The following ADAMTSL1 variants were observed in gnomAD, a reference collection of about 807,000 sequenced individuals.
The protein encoded by ADAMTSL1 is ADAMTS like 1.
A neutral mutation model predicts 201.8 loss-of-function variants in ADAMTSL1; 126 were observed. The ratio of observed to expected loss-of-function variants is 0.62; its 90% confidence interval spans 0.54 to 0.72. The LOEUF is 0.72. Ranked by LOEUF, ADAMTSL1 falls within the 30% of genes least tolerant of loss-of-function variation. The pLI, the probability that ADAMTSL1 is intolerant of heterozygous loss-of-function variation, is 0.00. For synonymous variants in ADAMTSL1, 1,121 were observed against 903.4 expected (o/e 1.24, Z -4.32); for missense variants, 2,679 against 2,277.8 (o/e 1.18, Z -3.59).
chr9:18,293,253 C>A (rs1282272912), intron 2 of ADAMTSL1, among the ~76,000 whole-genome samples: 1 of 152,178 alleles, frequency 6.6e-6, no homozygotes. Flanking sequence ...TTTGGTACAA[C>A]AATTTGTTTT....
At chr9:18,756,804 C>G (rs1382376103) in intron 16 of ADAMTSL1, among the ~76,000 whole-genome samples, 1 of 152,236 alleles carries the variant, frequency 6.6e-6, no homozygotes, top group Non-Finnish European at 1.5e-5. Context: ...GAAACTCTCT[C>G]TCCTCTCTGT....
chr9:18,754,130 G>C (rs1378102168), intron 16 of ADAMTSL1, among the ~76,000 whole-genome samples: 2 of 152,076 alleles, frequency 1.3e-5, no homozygotes, highest in East Asian at 3.9e-4. Flanking sequence ...ATTATTTTAC[G>C]TACCGTCTAT....
At chr9:18,806,631 A>G (rs1045838133) in intron 20 of ADAMTSL1, among the ~76,000 whole-genome samples, 8 of 152,182 alleles carry the variant, frequency 5.3e-5, no homozygotes, top group African/African-American at 1.7e-4. Flanking sequence ...ATATTTTTCA[A>G]ACACATATGT....
chr9:18,137,272 G>C (rs543064993), intron 1 of ADAMTSL1, among the ~76,000 whole-genome samples: 34 of 152,078 alleles, frequency 2.2e-4, no homozygotes, highest in Non-Finnish European at 2.4e-4. Context: ...ATTAACATAA[G>C]TTTGAAAACA....
chr9:17,983,072 C>CTTTTTTTTTTTTTTTTTTTTTTTTTTTTT (rs199805015), intron 1 of ADAMTSL1, among the ~76,000 whole-genome samples: 1 of 100,316 alleles, frequency 1.0e-5, no homozygotes, highest in Admixed American at 1.3e-4. Flanking sequence ...TTCTTTCTTT[C>CTTTTTTTTTTTTTTTTTTTTTTTTTTTTT]TTTCTTTTTT....
chr9:18,349,780 C>A (rs1835883917), intron 2 of ADAMTSL1, among the ~76,000 whole-genome samples: 1 of 152,080 alleles, frequency 6.6e-6, no homozygotes, highest in Non-Finnish European at 1.5e-5. Context: ...CAAGACTGGA[C>A]TGCAGACAAT....
intron 2 of ADAMTSL1, among the ~76,000 whole-genome samples, chr9:18,265,615 A>T (rs1832091239): frequency 6.6e-6 from 1 of 152,250 alleles, no homozygotes; most frequent in Admixed American, 6.5e-5. Flanking sequence ...ATGTTCATTT[A>T]ACAGTGCCTG....
intron 1 of ADAMTSL1, among the ~76,000 whole-genome samples, chr9:18,112,146 C>T (rs547159025): frequency 2.0e-5 from 3 of 152,222 alleles, no homozygotes; most frequent in African/African-American, 7.2e-5. Context: ...CTGCTAAGTG[C>T]TATGAATAGG....
At chr9:18,173,033 C>G (rs1209065401) in intron 2 of ADAMTSL1, among the ~76,000 whole-genome samples, 1 of 152,042 alleles carries the variant, frequency 6.6e-6, no homozygotes, top group Non-Finnish European at 1.5e-5. Context: ...TACACTTTAG[C>G]CCTATCTATA....
chr9:18,618,086 A>G (rs1370817325), intron 4 of ADAMTSL1, among the ~76,000 whole-genome samples: 1 of 152,192 alleles, frequency 6.6e-6, no homozygotes, highest in Non-Finnish European at 1.5e-5. Flanking sequence ...CTAATAATTA[A>G]CATCGGTGTA....
chr9:18,296,793 A>C (rs912835032), intron 2 of ADAMTSL1, among the ~76,000 whole-genome samples: 3 of 152,186 alleles, frequency 2.0e-5, no homozygotes, highest in Admixed American at 2.0e-4. Context: ...AAGAAACCAC[A>C]GTGTGGCTCT....
At chr9:18,242,669 T>C (rs1418461250) in intron 2 of ADAMTSL1, among the ~76,000 whole-genome samples, 2 of 152,100 alleles carry the variant, frequency 1.3e-5, no homozygotes, top group African/African-American at 4.8e-5. Flanking sequence ...AGTTGTAGGA[T>C]ATGAAATCAA....
chr9:18,139,134 T>A (rs1035580449), intron 1 of ADAMTSL1, among the ~76,000 whole-genome samples: 1 of 152,198 alleles, frequency 6.6e-6, no homozygotes, highest in Non-Finnish European at 1.5e-5. Context: ...ATTGACTGAT[T>A]GATTCAGCAA....
At chr9:18,427,498 A>T (rs1386292269) in intron 2 of ADAMTSL1, among the ~76,000 whole-genome samples, 1 of 152,260 alleles carries the variant, frequency 6.6e-6, no homozygotes, top group African/African-American at 2.4e-5. Context: ...TAGGAAGTTG[A>T]TAAAGCAACA....
intron 2 of ADAMTSL1, among the ~76,000 whole-genome samples, chr9:18,371,733 A>T (rs1837050684): frequency 6.6e-6 from 1 of 152,236 alleles, no homozygotes; most frequent in Non-Finnish European, 1.5e-5. Context: ...TCACAAATAA[A>T]TGTGGGCATT....
At chr9:18,546,432 G>A (rs1820471496) in intron 3 of ADAMTSL1, among the ~76,000 whole-genome samples, 2 of 152,028 alleles carry the variant, frequency 1.3e-5, no homozygotes, top group South Asian at 2.1e-4. Flanking sequence ...TCATTAAAAA[G>A]CATTATTAGA....
chr9:18,826,308 G>A lies in ADAMTSL1; in HGVS notation c.3959G>A (p.Trp1320Ter). 6.2e-7 allele frequency: 1 copy of A among 1,612,552 alleles called. No homozygotes were observed. The highest frequency in any genetic ancestry group is 8.5e-7 in the Non-Finnish European group (1 of 1,179,444). Reference protein sequence around the residue: ...VAGVPEAEVTWFRNKSKLGSP... With the variant: ...VAGVPEAEVT ...GGAGTGCCTGAAGCTGAAGTCACTT[G>A]GTTCAGGAATAAAAGCAAACTGGGC... is the stretch of plus-strand genomic sequence containing the variant. Residue 1320 changes from tryptophan to a stop codon, truncating the protein, a stop_gained, in exon 22 of 29, where the codon TGG becomes TAG. Coordinates refer to ENST00000380548, the MANE Select transcript of ADAMTSL1 (RefSeq NM_001040272.6). LOFTEE classifies it high-confidence loss of function.
chr9:18,109,644 G>A (rs1824914129), intron 1 of ADAMTSL1, among the ~76,000 whole-genome samples: 1 of 152,038 alleles, frequency 6.6e-6, no homozygotes, highest in Non-Finnish European at 1.5e-5. Flanking sequence ...CAGATTCATG[G>A]TAATAACAAA....
At chr9:18,399,640 C>T (rs1587078389) in intron 2 of ADAMTSL1, among the ~76,000 whole-genome samples, 4 of 152,012 alleles carry the variant, frequency 2.6e-5, no homozygotes, top group East Asian at 1.9e-4. Context: ...CATGAGCCAC[C>T]GCACCTGGCT....
Sources: gnomAD v4.1 joint callset for allele counts (sites outside exome capture counted in the v4.1 genomes callset) on GRCh38, gnomAD v4.1.1 for gene constraint, MANE v1.5 for transcripts, NCBI Gene and HGNC (gene_info 2026-07-23, HGNC 2026-07-21) for gene names.